Variants in LSAMP observed in about 807,000 individuals in gnomAD.
LSAMP encodes the protein limbic system associated membrane protein.
LSAMP carries 7 observed loss-of-function variants against 38.6 expected under a neutral mutation model. That is an observed-to-expected ratio of 0.18 (90% confidence interval 0.10 to 0.34). LSAMP has a LOEUF of 0.34. Among genes scored for constraint, LSAMP ranks in the 10% least tolerant of loss-of-function variants. LSAMP has a pLI of 1.00. For missense variants in LSAMP, 313 were observed against 420.0 expected, an observed-to-expected ratio of 0.75 and a Z score of 2.23; for synonymous variants, 154 against 166.8, an observed-to-expected ratio of 0.92 and a Z score of 0.59.
chr3:116,283,130 C>G (rs964862689), intron 1 of LSAMP, among the ~76,000 whole-genome samples: 2 of 151,892 alleles, frequency 1.3e-5, no homozygotes, highest in East Asian at 3.9e-4. Context: ...TACTCTTCCT[C>G]CCTCCCCAAA....
At chr3:116,432,383 C>T (rs1489403421) in intron 1 of LSAMP, among the ~76,000 whole-genome samples, 1 of 151,600 alleles carries the variant, frequency 6.6e-6, no homozygotes, top group Non-Finnish European at 1.5e-5. Flanking sequence ...AATACAGTCA[C>T]ACTATATAGA....
chr3:115,891,095 A>G (rs535148143), intron 3 of LSAMP, among the ~76,000 whole-genome samples: 21 of 151,922 alleles, frequency 1.4e-4, no homozygotes, highest in Non-Finnish European at 2.9e-4. Flanking sequence ...TACCCCTAAC[A>G]ATACTTTCAG....
intron 1 of LSAMP, among the ~76,000 whole-genome samples, chr3:116,382,491 C>A (rs35630638): frequency 2.1e-5 from 3 of 145,002 alleles, no homozygotes; most frequent in Non-Finnish European, 4.5e-5. Flanking sequence ...ACATCACACA[C>A]CGGGGCCTGT....
At chr3:116,252,690 G>A (rs541883635) in intron 1 of LSAMP, among the ~76,000 whole-genome samples, 11 of 152,160 alleles carry the variant, frequency 7.2e-5, no homozygotes, top group Non-Finnish European at 1.5e-4. Flanking sequence ...CATTATGAAC[G>A]TGAATAACTT....
At chr3:116,044,300 TTA>T (rs1197187857) in intron 2 of LSAMP, among the ~76,000 whole-genome samples, 1 of 152,250 alleles carries the variant, frequency 6.6e-6, no homozygotes, top group African/African-American at 2.4e-5. Flanking sequence ...TCACCTCGCC[TTA>T]TTAACTATTC....
chr3:116,049,475 A>G (rs187387281), intron 2 of LSAMP, among the ~76,000 whole-genome samples: 1 of 152,298 alleles, frequency 6.6e-6, no homozygotes, highest in Admixed American at 6.5e-5. Context: ...ATGTCACCCA[A>G]CAAAAGATAT....
At chr3:116,032,811 TTAAA>T (rs1403504488) in intron 2 of LSAMP, among the ~76,000 whole-genome samples, 1 of 151,820 alleles carries the variant, frequency 6.6e-6, no homozygotes, top group Non-Finnish European at 1.5e-5. Flanking sequence ...CCAAAAAAAT[TTAAA>T]TAAATAATAA....
intron 1 of LSAMP, among the ~76,000 whole-genome samples, chr3:116,177,516 A>C (rs1710377041): frequency 6.6e-6 from 1 of 152,172 alleles, no homozygotes; most frequent in African/African-American, 2.4e-5. Flanking sequence ...CAGATGTGAT[A>C]TATGCATTTT....
chr3:116,131,136 G>A (rs1324200840), intron 1 of LSAMP, among the ~76,000 whole-genome samples: 4 of 151,768 alleles, frequency 2.6e-5, no homozygotes, highest in South Asian at 2.1e-4. Flanking sequence ...GACTACAGGC[G>A]CCCTCCACCT....
At chr3:115,830,681 A>T (rs1255086659) in intron 6 of LSAMP, among the ~76,000 whole-genome samples, 1 of 152,218 alleles carries the variant, frequency 6.6e-6, no homozygotes, top group East Asian at 1.9e-4. Flanking sequence ...GGAGCTGAAA[A>T]TAAGCTTTTT....
chr3:116,207,233 C>T (rs1203363799), intron 1 of LSAMP, among the ~76,000 whole-genome samples: 5 of 152,010 alleles, frequency 3.3e-5, no homozygotes, highest in Middle Eastern at 6.8e-3. Flanking sequence ...CAACCCCTGC[C>T]TTTTTCTGTT....
intron 1 of LSAMP, among the ~76,000 whole-genome samples, chr3:116,092,725 T>G (rs1708151342): frequency 6.6e-6 from 1 of 151,896 alleles, no homozygotes; most frequent in Non-Finnish European, 1.5e-5. Context: ...TGCACAAGAG[T>G]GGGGGTTATA....
At chr3:116,368,082 A>T (rs1256609554) in intron 1 of LSAMP, 1 of 152,174 alleles carries the variant, frequency 6.6e-6, no homozygotes, top group Admixed American at 6.5e-5. Context: ...TGGGCGGAAA[A>T]TATTAGCTGC....
At chr3:116,306,245 G>A (rs1033887136) in intron 1 of LSAMP, among the ~76,000 whole-genome samples, 5 of 152,004 alleles carry the variant, frequency 3.3e-5, no homozygotes, top group Admixed American at 3.3e-4. Context: ...CATTGTAATA[G>A]GAAGTGGAGG....
At chr3:116,436,442 C>T (rs190126543) in intron 1 of LSAMP, among the ~76,000 whole-genome samples, 1 of 152,266 alleles carries the variant, frequency 6.6e-6, no homozygotes, top group Admixed American at 6.5e-5. Context: ...TCTTCACAAT[C>T]TATACATCTG....
At chr3:116,410,502 T>TTTTTA (rs1553732778) in intron 1 of LSAMP, among the ~76,000 whole-genome samples, 1 of 151,832 alleles carries the variant, frequency 6.6e-6, no homozygotes, top group African/African-American at 2.4e-5. Flanking sequence ...ATTTTTTTTT[T>TTTTTA]AAACTGGGAA....
chr3:116,274,188 G>A (rs1333037063), intron 1 of LSAMP, among the ~76,000 whole-genome samples: 1 of 152,100 alleles, frequency 6.6e-6, no homozygotes, highest in Non-Finnish European at 1.5e-5. Context: ...CTTGGTTCAT[G>A]TGCTAGAATT....
At chr3:116,075,832 T>C (rs6772113) in intron 2 of LSAMP, among the ~76,000 whole-genome samples, 39,717 of 152,094 alleles carry the variant, frequency 0.26, 7,265 homozygotes, top group African/African-American at 0.52. Flanking sequence ...TGAGCCACCG[T>C]GTCCAGCCTC....
chr3:116,157,021 T>C (rs1402272280), intron 1 of LSAMP, among the ~76,000 whole-genome samples: 1 of 152,114 alleles, frequency 6.6e-6, no homozygotes, highest in Non-Finnish European at 1.5e-5. Flanking sequence ...GGAGGTTATA[T>C]GCGGAGCACT....
Sources: gnomAD v4.1 joint callset for allele counts (sites outside exome capture counted in the v4.1 genomes callset) on GRCh38, gnomAD v4.1.1 for gene constraint, MANE v1.5 for transcripts, NCBI Gene and HGNC (gene_info 2026-07-23, HGNC 2026-07-21) for gene names.